AUTS2: variants seen among roughly 807,000 people sequenced by gnomAD.
AUTS2 encodes the protein autism susceptibility gene 2 protein.
A neutral mutation model predicts 112.4 loss-of-function variants in AUTS2; 17 were observed. The ratio of observed to expected loss-of-function variants is 0.15; its 90% CI spans 0.10 to 0.23. The LOEUF (loss-of-function observed/expected upper bound fraction) is 0.23, where lower values mean the gene tolerates loss of function less well. Ranked by LOEUF, AUTS2 falls within the 10% of genes least tolerant of loss-of-function variation. The pLI is 1.00. For missense variants in AUTS2, 1,510 were observed against 1,701.6 expected (o/e 0.89, Z 1.98); for synonymous variants, 751 against 702.7 (o/e 1.07, Z -1.09).
chr7:70,410,567 G>A (rs963166628), intron 4 of AUTS2, among the ~76,000 whole-genome samples: 2 of 151,712 alleles, frequency 1.3e-5, no homozygotes, highest in Admixed American at 6.6e-5. Context: ...GAAACTATAG[G>A]CATGCACCAC....
intron 5 of AUTS2, among the ~76,000 whole-genome samples, chr7:70,520,246 A>T (rs1359028094): frequency 6.6e-6 from 1 of 152,174 alleles, no homozygotes; most frequent in Non-Finnish European, 1.5e-5. Context: ...GCATACACAC[A>T]CACATGAGCA....
intron 1 of AUTS2, among the ~76,000 whole-genome samples, chr7:69,624,568 G>A (rs1253608958): frequency 6.6e-6 from 1 of 152,208 alleles, no homozygotes; most frequent in African/African-American, 2.4e-5. Flanking sequence ...CTGCACTTAA[G>A]CTGTGTGCAA....
chr7:70,015,837 AGTTGTTGTTGTT>A (rs376646110), intron 2 of AUTS2, among the ~76,000 whole-genome samples: 1 of 145,588 alleles, frequency 6.9e-6, no homozygotes, highest in African/African-American at 2.6e-5. Context: ...GTGGCCACCT[AGTTGTTGTTGTT>A]GTTGTTGTTG....
chr7:70,024,867 A>G (rs908030350), intron 2 of AUTS2, among the ~76,000 whole-genome samples: 1 of 152,232 alleles, frequency 6.6e-6, no homozygotes, highest in Non-Finnish European at 1.5e-5. Flanking sequence ...AACCTCCTTT[A>G]CTTGAAGTTA....
chr7:70,790,506 G>A lies in AUTS2; in HGVS notation c.3290G>A (p.Arg1097Lys). ...RDPLGRDFLL[R>K]NDPLHRLSTP... Reference sequence around the variant, plus strand: ...CCGCTGGGCAGGGACTTCCTGCTAAGGAACGACCCGCTCCACCGGCTCTCG... The same window carrying A: ...CCGCTGGGCAGGGACTTCCTGCTAAAGAACGACCCGCTCCACCGGCTCTCG... Residue 1097 changes from arginine (R) to lysine (K), a missense_variant, in exon 19 of 19, where the codon AGG (arginine) becomes AAG (lysine). By Grantham distance (26) the Arg-to-Lys change is conservative. Around this residue, in one of 3 missense-constraint regions of AUTS2, gnomAD observed 788 missense variants for 797.6 expected, o/e 0.99. Transcript: ENST00000342771. This position sits in a 1 kb window ranked among gnomAD's most constrained non-coding sequence, Gnocchi z 7.6. 6.2e-7 allele frequency: 1 copy of A among 1,612,190 alleles called. No individual in the cohort carries two copies. Among genetic ancestry groups the A allele is most frequent in the Non-Finnish European group, 8.5e-7 (1 of 1,179,490 alleles).
chr7:70,409,755 A>G (rs941624185), intron 4 of AUTS2, among the ~76,000 whole-genome samples: 5 of 152,250 alleles, frequency 3.3e-5, no homozygotes, highest in African/African-American at 4.8e-5. Flanking sequence ...GTATTATGCT[A>G]ATAAAAATAG....
intron 4 of AUTS2, among the ~76,000 whole-genome samples, chr7:70,172,247 A>G (rs1214183265): frequency 1.3e-5 from 2 of 152,128 alleles, no homozygotes; most frequent in South Asian, 2.1e-4. Flanking sequence ...TGCTGATTCT[A>G]TATCCTCAGT....
At chr7:70,744,641 G>A (rs1788333766) in intron 6 of AUTS2, among the ~76,000 whole-genome samples, 1 of 152,162 alleles carries the variant, frequency 6.6e-6, no homozygotes, top group Non-Finnish European at 1.5e-5. Flanking sequence ...AGACCGATGA[G>A]CGAGGCTCCA....
intron 5 of AUTS2, among the ~76,000 whole-genome samples, chr7:70,464,819 A>T (rs370033975): frequency 6.6e-6 from 1 of 152,298 alleles, no homozygotes; most frequent in South Asian, 2.1e-4. Flanking sequence ...GGATACCAGG[A>T]TGAGAAATTT....
At position 70,694,887 on chromosome 7, in the gene AUTS2, G is replaced by A. The variant is rs955750732; in HGVS notation, c.691-3682G>A. Reference sequence around the variant, plus strand: ...GACTTTGGCGAGGAAGGAGCCCAGAGACTCTTGTGGACAGAGCCGGGTCGA... The same window carrying A: ...GACTTTGGCGAGGAAGGAGCCCAGAAACTCTTGTGGACAGAGCCGGGTCGA... On this transcript the variant is annotated intron_variant, in intron 5 of 18. Transcript: ENST00000342771. The surrounding 1 kb of genome is among the most constrained non-coding windows in gnomAD (Gnocchi z 4.1). The A allele has an allele frequency of 3.9e-5, 6 of 152,154 alleles. No homozygotes were observed. The highest frequency in any genetic ancestry group is 1.4e-4 in the African/African-American group (6 of 41,460). The allele number at this position is 152,154 out of a possible 1,614,324, so 9.4% of individuals were successfully genotyped here.
chr7:70,587,846 A>G (rs1185846040), intron 5 of AUTS2, among the ~76,000 whole-genome samples: 1 of 152,214 alleles, frequency 6.6e-6, no homozygotes, highest in Non-Finnish European at 1.5e-5. Context: ...ATCTTACTGT[A>G]TTTGCTTTGC....
At chr7:69,856,575 C>G (rs1407252434) in intron 1 of AUTS2, among the ~76,000 whole-genome samples, 2 of 152,102 alleles carry the variant, frequency 1.3e-5, no homozygotes, top group African/African-American at 2.4e-5. Flanking sequence ...TTCTAGCTCC[C>G]TCATCTCATT....
chr7:69,914,880 A>G (rs940420502), intron 2 of AUTS2, among the ~76,000 whole-genome samples: 13 of 152,216 alleles, frequency 8.5e-5, no homozygotes, highest in African/African-American at 2.6e-4. Context: ...AAATGTTTTG[A>G]TCTTAGAAAA....
At chr7:69,849,350 T>C (rs1217972660) in intron 1 of AUTS2, among the ~76,000 whole-genome samples, 1 of 152,344 alleles carries the variant, frequency 6.6e-6, no homozygotes, top group Non-Finnish European at 1.5e-5. Context: ...CAAAATAATA[T>C]AGAGAGATCC....
chr7:70,781,384 ACC>A lies in AUTS2; in HGVS notation c.2005-230_2005-229del, dbSNP rs1318704123. 158 of 357,124 alleles carry A rather than the reference ACC, an allele frequency of 4.4e-4. 1 individual carries two copies. In the East Asian group the frequency reaches 5.1e-3, roughly 11 times the overall value. The allele number at this position is 357,124 out of a possible 1,614,324, so 22.1% of individuals were successfully genotyped here. A position where few individuals can be genotyped will look rare whatever the true frequency, so the allele number is the denominator to read the frequency against. ...CGTCACAAAAAAAAAAAAAAAAAAA[ACC>A]AGACCAAACACTAGTGTTGTCACTA... On this transcript the variant is annotated intron_variant, in intron 14 of 18. Coordinates refer to ENST00000342771, the MANE Select transcript of AUTS2 (RefSeq NM_015570.4).
intron 2 of AUTS2, among the ~76,000 whole-genome samples, chr7:70,002,764 G>T (rs143563134): frequency 6.6e-6 from 1 of 152,046 alleles, no homozygotes; most frequent in African/African-American, 2.4e-5. Context: ...TGTATTTGGG[G>T]AAGAGGGGAT....
chr7:69,814,682 G>T (rs1790682392), intron 1 of AUTS2, among the ~76,000 whole-genome samples: 1 of 152,228 alleles, frequency 6.6e-6, no homozygotes, highest in Admixed American at 6.5e-5. Flanking sequence ...ATGTGCACTT[G>T]GGGGCTGAAT....
intron 1 of AUTS2, among the ~76,000 whole-genome samples, chr7:69,833,860 C>T (rs565625906): frequency 6.6e-6 from 1 of 152,284 alleles, no homozygotes; most frequent in African/African-American, 2.4e-5. Flanking sequence ...AAGGTTACTT[C>T]ACAGAAAATT....
At chr7:70,751,077 G>A (rs778485949) in intron 6 of AUTS2, among the ~76,000 whole-genome samples, 3 of 152,244 alleles carry the variant, frequency 2.0e-5, no homozygotes, top group Non-Finnish European at 2.9e-5. Context: ...ATCAAAAGAC[G>A]TGCAAAACAC....
Sources: gnomAD v4.1 joint callset for allele counts (sites outside exome capture counted in the v4.1 genomes callset) on GRCh38, gnomAD v4.1.1 for gene constraint, gnomAD v4.1.1 regional missense constraint, Gnocchi (gnomAD v3.1) non-coding constraint, MANE v1.5 for transcripts, NCBI Gene and HGNC (gene_info 2026-07-23, HGNC 2026-07-21) for gene names.